The following ANO3 variants were observed in gnomAD, a reference collection of about 807,000 sequenced individuals.
The protein encoded by ANO3 is anoctamin-3.
A neutral mutation model predicts 144.8 loss-of-function variants in ANO3; 99 were observed. The ratio of observed to expected loss-of-function variants is 0.68; its 90% CI spans 0.58 to 0.81. The LOEUF is 0.81. Ranked by LOEUF, ANO3 falls within the 30% of genes least tolerant of loss-of-function variation. ANO3 has a pLI of 0.00. For synonymous variants in ANO3, 414 were observed against 392.6 expected, an observed-to-expected ratio of 1.05 and a Z score of -0.64; for missense variants, 905 against 1,202.2, an observed-to-expected ratio of 0.75 and a Z score of 3.66.
intron 3 of ANO3, among the ~76,000 whole-genome samples, chr11:26,445,680 G>C (rs1162457496): frequency 6.6e-6 from 1 of 151,862 alleles, no homozygotes; most frequent in Non-Finnish European, 1.5e-5. Flanking sequence ...TGAGGTGTTT[G>C]CCTTTATAAT....
At chr11:26,441,406 T>C (rs1037034117) in intron 1 of ANO3, among the ~76,000 whole-genome samples, 1 of 152,102 alleles carries the variant, frequency 6.6e-6, no homozygotes, top group Non-Finnish European at 1.5e-5. Context: ...CGTGAGCCAC[T>C]GCGCCCGGCC....
At chr11:26,354,295 CTT>C (rs1207137389) in intron 1 of ANO3, among the ~76,000 whole-genome samples, 3 of 152,140 alleles carry the variant, frequency 2.0e-5, no homozygotes, top group African/African-American at 7.2e-5. Flanking sequence ...AAAATTTGCT[CTT>C]CTTTCCATAA....
chr11:26,228,824 A>T (rs1291414102), intron 1 of ANO3, among the ~76,000 whole-genome samples: 2 of 152,210 alleles, frequency 1.3e-5, no homozygotes, highest in African/African-American at 4.8e-5. Flanking sequence ...ACAGCTGAAG[A>T]CCCACTGCCA....
chr11:26,578,626 G>T (rs1168299578), intron 14 of ANO3, among the ~76,000 whole-genome samples: 2 of 152,116 alleles, frequency 1.3e-5, no homozygotes, highest in African/African-American at 4.8e-5. Flanking sequence ...GAAATTGTGG[G>T]CTCCTTGAAG....
chr11:26,566,386 T>A (rs533771331), intron 14 of ANO3, among the ~76,000 whole-genome samples: 5 of 152,104 alleles, frequency 3.3e-5, no homozygotes, highest in African/African-American at 1.2e-4. Context: ...TGACTATACA[T>A]TAAATGCACC....
intron 14 of ANO3, among the ~76,000 whole-genome samples, chr11:26,589,260 A>G (rs1590596348): frequency 6.6e-6 from 1 of 152,220 alleles, no homozygotes; most frequent in Admixed American, 6.5e-5. Flanking sequence ...GAGAGTGACA[A>G]TGAATTTAAA....
chr11:26,265,226 T>TA (rs370863121), intron 1 of ANO3, among the ~76,000 whole-genome samples: 1 of 152,354 alleles, frequency 6.6e-6, no homozygotes, highest in African/African-American at 2.4e-5. Flanking sequence ...CATTTCAACT[T>TA]ACCCACTTTC....
chr11:26,346,704 G>A (rs1214352733), intron 1 of ANO3, among the ~76,000 whole-genome samples: 1 of 152,144 alleles, frequency 6.6e-6, no homozygotes, highest in African/African-American at 2.4e-5. Context: ...CAAGTGCCAG[G>A]TACTGCACTA....
At chr11:26,219,480 G>A (rs1852099300) in intron 1 of ANO3, among the ~76,000 whole-genome samples, 1 of 152,074 alleles carries the variant, frequency 6.6e-6, no homozygotes, top group East Asian at 1.9e-4. Flanking sequence ...AGTAAACAAA[G>A]CTCTTTCCCT....
At chr11:26,190,208 T>C (rs1344647158) in intron 1 of ANO3, among the ~76,000 whole-genome samples, 1 of 152,176 alleles carries the variant, frequency 6.6e-6, no homozygotes, top group Non-Finnish European at 1.5e-5. Flanking sequence ...AAAAATCTTG[T>C]AGAAATAATA....
chr11:26,263,666 T>C (rs962518266), intron 1 of ANO3, among the ~76,000 whole-genome samples: 2 of 152,240 alleles, frequency 1.3e-5, no homozygotes, highest in African/African-American at 2.4e-5. Context: ...TTTAGACATA[T>C]GGGCAAGAAG....
At chr11:26,349,396 A>C (rs1214846584) in intron 1 of ANO3, among the ~76,000 whole-genome samples, 2 of 152,176 alleles carry the variant, frequency 1.3e-5, no homozygotes, top group Non-Finnish European at 2.9e-5. Context: ...ATATATAAAA[A>C]TCATTCACAC....
chr11:26,268,803 G>T (rs1853373039), intron 1 of ANO3, among the ~76,000 whole-genome samples: 2 of 152,056 alleles, frequency 1.3e-5, no homozygotes, highest in Non-Finnish European at 2.9e-5. Context: ...TTTCTTAATT[G>T]CCCCACACAA....
In ANO3 at chr11:26,537,002, TTAAA is replaced by T. The variant is rs1170364101; in HGVS notation, c.977-402_977-399del. Among the ~76,000 whole-genome samples the T allele has an allele frequency of 3.6e-4, 54 of 148,100 alleles. 1 individual carries two copies. Among genetic ancestry groups the T allele is most frequent in the Admixed American group, 5.5e-4 (8 of 14,658 alleles). ...AAGTATTTCTCAATACCAATATCCTTTAAATTTTTTTTTTTTTTTTTGGTAGGGG... is the reference window on the plus strand; with the variant it reads ...AAGTATTTCTCAATACCAATATCCTTTTTTTTTTTTTTTTTTTGGTAGGGG... On this transcript the variant is annotated intron_variant, in intron 9 of 26. Coordinates refer to ENST00000256737, the MANE Select transcript of ANO3 (RefSeq NM_031418.4).
intron 1 of ANO3, among the ~76,000 whole-genome samples, chr11:26,336,801 C>T (rs866354048): frequency 1.3e-5 from 2 of 152,296 alleles, no homozygotes; most frequent in African/African-American, 2.4e-5. Context: ...ATTGTGCTAA[C>T]TCTTCCTGGT....
chr11:26,312,024 G>A (rs113382188), intron 1 of ANO3, among the ~76,000 whole-genome samples: 9,043 of 152,046 alleles, frequency 0.059, 483 homozygotes, highest in African/African-American at 0.14. Flanking sequence ...AACAGGCCCC[G>A]GTGTGTGATG....
At chr11:26,332,471 C>T (rs1305000447) in intron 1 of ANO3, 150 bp downstream of exon 1, 5 of 746,758 alleles carry the variant, frequency 6.7e-6, no homozygotes, top group Non-Finnish European at 1.1e-5. Flanking sequence ...TTAAATTCCT[C>T]TTCACTCTGC....
chr11:26,190,950 T>C (rs1438864125), intron 1 of ANO3, among the ~76,000 whole-genome samples: 1 of 152,216 alleles, frequency 6.6e-6, no homozygotes. Context: ...GTCGCATTTA[T>C]GTGTTTATTT....
chr11:26,348,798 C>T (rs772107168), intron 1 of ANO3, among the ~76,000 whole-genome samples: 1 of 152,206 alleles, frequency 6.6e-6, no homozygotes, highest in Admixed American at 6.5e-5. Context: ...CAAGACGTCA[C>T]ATTCTTATGG....
Sources: allele counts gnomAD v4.1 joint callset (sites outside exome capture counted in the v4.1 genomes callset), GRCh38; gene constraint gnomAD v4.1.1; transcripts MANE v1.5; gene names NCBI Gene and HGNC (gene_info 2026-07-23, HGNC 2026-07-21).